The following SEPTIN10 variants were observed in gnomAD, a reference collection of about 807,000 sequenced individuals.
The protein encoded by SEPTIN10 is septin 10, also known as septin-10.
SEPTIN10 carries 66 observed loss-of-function variants against 54.8 expected under a neutral mutation model. The observed-to-expected ratio is 1.21, with a 90% CI of 0.99 to 1.48. SEPTIN10 has a LOEUF of 1.48. Ranked by LOEUF, SEPTIN10 falls within the 40% of genes most tolerant of loss-of-function variation. The pLI is 0.00. For missense variants in SEPTIN10, 620 were observed against 545.6 expected (o/e 1.14, Z -1.36); for synonymous variants, 161 against 181.0 (o/e 0.89, Z 0.89).
Position 109,546,989 on chromosome 2 carries a change from C to T in SEPTIN10, c.1162-752G>A, listed in dbSNP as rs929130833. Reference sequence around the variant, plus strand: ...CTAAGAAGCAGCAGATACAGGAAAGCTCTCTGACCTCCCTTTAGGCGCCTA... The same window carrying T: ...CTAAGAAGCAGCAGATACAGGAAAGTTCTCTGACCTCCCTTTAGGCGCCTA... On this transcript the variant is annotated intron_variant, in intron 9 of 10. Transcript: ENST00000397712. 2.0e-5 allele frequency among the ~76,000 whole-genome samples: 3 copies of T among 152,180 alleles called. No homozygotes were observed. In the East Asian group the frequency reaches 5.8e-4, roughly 29 times the overall value.
chr2:109,611,953 A>G (rs1386922285), intron 1 of SEPTIN10, among the ~76,000 whole-genome samples: 1 of 152,182 alleles, frequency 6.6e-6, no homozygotes, highest in Admixed American at 6.5e-5. Flanking sequence ...TGCAACTACC[A>G]TATGACCCAA....
At chr2:109,578,461 T>C (rs1378870188) in intron 4 of SEPTIN10, among the ~76,000 whole-genome samples, 2 of 152,148 alleles carry the variant, frequency 1.3e-5, no homozygotes, top group Non-Finnish European at 2.9e-5. Context: ...AAAATGGAGA[T>C]TAGAAATCTA....
At chr2:109,590,078 A>ATATGTATATATATACACACACATATATG (rs1558847031) in intron 2 of SEPTIN10, among the ~76,000 whole-genome samples, 3 of 147,576 alleles carry the variant, frequency 2.0e-5, no homozygotes, top group South Asian at 4.6e-4. Context: ...ACACACATAT[A>ATATGTATATATATACACACACATATATG]TATGTATATA....
At chr2:109,583,122 G>T (rs887053641) in intron 4 of SEPTIN10, among the ~76,000 whole-genome samples, 8 of 152,132 alleles carry the variant, frequency 5.3e-5, no homozygotes, top group African/African-American at 1.9e-4. Flanking sequence ...CCTTGGAAAA[G>T]AATTTACGAT....
chr2:109,578,307 G>A (rs1690199552), intron 4 of SEPTIN10, among the ~76,000 whole-genome samples: 1 of 152,088 alleles, frequency 6.6e-6, no homozygotes, highest in African/African-American at 2.4e-5. Context: ...AAGCACAAGG[G>A]CACAGAAAGG....
chr2:109,567,911 C>A lies in SEPTIN10; in HGVS notation c.666G>T (p.Lys222Asn). The A allele has an allele frequency of 1.2e-6, 2 of 1,613,976 alleles. No individual in the cohort carries two copies. The highest frequency in any genetic ancestry group is 1.7e-6 in the Non-Finnish European group (2 of 1,179,924). ...TGACCAATTCACTCATGAGCTTGAT[C>A]TTAAACTTCTGTAATTCAGTTTTAG... ...TVSKTELQKF[K>N]IKLMSELVSN... The change falls in exon 6 of 11, where the codon AAG becomes AAT. Residue 222 changes from lysine to asparagine, a missense_variant. Transcript: ENST00000397712.
intron 1 of SEPTIN10, among the ~76,000 whole-genome samples, chr2:109,606,877 C>T (rs996279340): frequency 1.3e-5 from 2 of 151,970 alleles, no homozygotes; most frequent in African/African-American, 4.8e-5. Context: ...GTCTCAAACT[C>T]CTGACCGGAG....
intron 8 of SEPTIN10, among the ~76,000 whole-genome samples, chr2:109,560,640 G>C (rs1685449475): frequency 6.6e-6 from 1 of 152,050 alleles, no homozygotes; most frequent in African/African-American, 2.4e-5. Flanking sequence ...TTGTCACTTT[G>C]CTGTTTCAGA....
At chr2:109,547,631 T>C (rs1169831228) in intron 9 of SEPTIN10, among the ~76,000 whole-genome samples, 2 of 152,174 alleles carry the variant, frequency 1.3e-5, no homozygotes, top group Non-Finnish European at 1.5e-5. Context: ...TTAATTTATT[T>C]TGTTCCACAA....
intron 8 of SEPTIN10, among the ~76,000 whole-genome samples, chr2:109,556,953 T>G (rs754345497): frequency 6.6e-6 from 1 of 152,106 alleles, no homozygotes; most frequent in Non-Finnish European, 1.5e-5. Context: ...TTCTCACTCA[T>G]AGATGGGAAT....
intron 9 of SEPTIN10, among the ~76,000 whole-genome samples, chr2:109,551,101 AAAGG>A (rs1317816094): frequency 3.9e-5 from 6 of 152,240 alleles, no homozygotes; most frequent in Non-Finnish European, 1.5e-5. Context: ...TCTTGTCAAT[AAAGG>A]AATAGGGAAG....
intron 8 of SEPTIN10, among the ~76,000 whole-genome samples, chr2:109,562,279 CCT>C (rs1332296652): frequency 2.6e-5 from 4 of 151,502 alleles, no homozygotes; most frequent in Non-Finnish European, 5.9e-5. Flanking sequence ...GCTTCTCACC[CCT>C]CTGTCACTAC....
intron 8 of SEPTIN10, among the ~76,000 whole-genome samples, chr2:109,554,209 G>A (rs2104828819): frequency 6.6e-6 from 1 of 152,154 alleles, no homozygotes; most frequent in East Asian, 1.9e-4. Context: ...GTGAAATCAG[G>A]GAATAGATGT....
chr2:109,596,733 T>C lies in SEPTIN10; in HGVS notation c.31-3614A>G, dbSNP rs141174771. Among the ~76,000 whole-genome samples the C allele has an allele frequency of 5.3e-3, 811 of 152,312 alleles. 6 individuals carry two copies. Among genetic ancestry groups the C allele is most frequent in the African/African-American group, 0.019 (772 of 41,572 alleles). ...GTAAGTTCATATCAAATATCTGCTTTTGTTTATTCATTTACTGTGTTTCTG... is the reference window on the plus strand; with the variant it reads ...GTAAGTTCATATCAAATATCTGCTTCTGTTTATTCATTTACTGTGTTTCTG... On this transcript the variant is annotated intron_variant, in intron 1 of 10. Coordinates refer to ENST00000397712, the MANE Select transcript of SEPTIN10 (RefSeq NM_144710.5).
At chr2:109,597,666 C>T (rs1573796787) in intron 1 of SEPTIN10, among the ~76,000 whole-genome samples, 1 of 152,362 alleles carries the variant, frequency 6.6e-6, no homozygotes, top group Non-Finnish European at 1.5e-5. Context: ...TACACACCTA[C>T]TTTCCAAAAG....
chr2:109,599,076 C>T (rs1695966753), intron 1 of SEPTIN10, among the ~76,000 whole-genome samples: 1 of 152,000 alleles, frequency 6.6e-6, no homozygotes, highest in African/African-American at 2.4e-5. Flanking sequence ...CTAAAATTTT[C>T]TTAAAACAAG....
intron 2 of SEPTIN10, among the ~76,000 whole-genome samples, chr2:109,587,102 A>T (rs1692739364): frequency 6.6e-6 from 1 of 152,244 alleles, no homozygotes; most frequent in East Asian, 1.9e-4. Context: ...TTAAATAATG[A>T]TAACAAATAT....
intron 1 of SEPTIN10, among the ~76,000 whole-genome samples, chr2:109,605,969 G>A (rs959577524): frequency 6.6e-6 from 1 of 152,190 alleles, no homozygotes; most frequent in African/African-American, 2.4e-5. Context: ...GCATCATTAA[G>A]AACTGCCAAA....
chr2:109,592,984 GTAGT>G, intron 2 of SEPTIN10, 63 bp downstream of exon 2: 1 of 1,067,672 alleles, frequency 9.4e-7, no homozygotes, highest in South Asian at 2.2e-5. Flanking sequence ...AGCACTCCAA[GTAGT>G]TATTTTAAAA....
Sources: gnomAD v4.1 joint callset for allele counts (sites outside exome capture counted in the v4.1 genomes callset) on GRCh38, gnomAD v4.1.1 for gene constraint, MANE v1.5 for transcripts, NCBI Gene and HGNC (gene_info 2026-07-23, HGNC 2026-07-21) for gene names.